ITGA11: variants seen among roughly 807,000 people sequenced by gnomAD.
The protein encoded by ITGA11 is integrin subunit alpha 11.
ITGA11 carries 97 observed loss-of-function variants against 141.9 expected under a neutral mutation model. The ratio of observed to expected loss-of-function variants is 0.68; its 90% CI spans 0.58 to 0.81. ITGA11 has a LOEUF of 0.81. Among genes scored for constraint, ITGA11 ranks in the 30% least tolerant of loss-of-function variants. The pLI is 0.00. For missense variants in ITGA11, 1,387 were observed against 1,559.2 expected (o/e 0.89, Z 1.86); for synonymous variants, 658 against 624.6 (o/e 1.05, Z -0.80).
intron 7 of ITGA11, among the ~76,000 whole-genome samples, chr15:68,356,064 T>A (rs1895061484): frequency 6.6e-6 from 1 of 151,976 alleles, no homozygotes; most frequent in Non-Finnish European, 1.5e-5. Context: ...GGGATAACAT[T>A]TATCTGGATG....
intron 1 of ITGA11, among the ~76,000 whole-genome samples, chr15:68,431,708 C>A (rs1466250500): frequency 2.6e-5 from 4 of 152,262 alleles, no homozygotes; most frequent in African/African-American, 9.6e-5. Context: ...CCGGCATGGG[C>A]CTTGGAGGCA....
chr15:68,308,757 AAAAG>A lies in ITGA11; in HGVS notation c.3175-1065_3175-1062del, dbSNP rs145585732. Among the ~76,000 whole-genome samples the A allele has an allele frequency of 0.51, 16,830 of 33,152 alleles. 1,595 individuals carry two copies. Among genetic ancestry groups the A allele is most frequent in the Middle Eastern group, 0.55 (48 of 88 alleles). The allele number at this position is 33,152 out of a possible 152,430, so 21.7% of individuals were successfully genotyped here. Reference sequence around the variant, plus strand: ...ACTCTGTCTCAAAAGAAAAGAAAAGAAAAGAAAGAAAAGAAAAGAAAAGAAAAGG... The same window carrying A: ...ACTCTGTCTCAAAAGAAAAGAAAAGAAAAGAAAAGAAAAGAAAAGAAAAGG... On this transcript the variant is annotated intron_variant, in intron 26 of 29. Transcript: ENST00000315757. This position sits in a 1 kb window ranked among gnomAD's most constrained non-coding sequence, Gnocchi z 5.2.
chr15:68,384,355 C>T (rs76632009), intron 2 of ITGA11, among the ~76,000 whole-genome samples: 1,742 of 152,102 alleles, frequency 0.011, 49 homozygotes, highest in East Asian at 0.093. Context: ...TAGGAGCTGT[C>T]TGCAGGCCAC....
chr15:68,356,638 A>T (rs1472203134), intron 7 of ITGA11, among the ~76,000 whole-genome samples: 1 of 152,150 alleles, frequency 6.6e-6, no homozygotes, highest in Non-Finnish European at 1.5e-5. Context: ...TTCATCCATC[A>T]AGGGCAGAAC....
intron 1 of ITGA11, among the ~76,000 whole-genome samples, chr15:68,409,681 T>C (rs1896728587): frequency 6.6e-6 from 1 of 152,078 alleles, no homozygotes; most frequent in Non-Finnish European, 1.5e-5. Context: ...ATAATAAAAA[T>C]AATTGTGTAC....
At chr15:68,316,330 T>C (rs1440969764) in intron 21 of ITGA11, among the ~76,000 whole-genome samples, 1 of 152,202 alleles carries the variant, frequency 6.6e-6, no homozygotes, top group Non-Finnish European at 1.5e-5. Flanking sequence ...TGGGGAAACA[T>C]GCGACCCTCC....
chr15:68,316,240 G>T (rs964351526), intron 21 of ITGA11, among the ~76,000 whole-genome samples: 1 of 152,212 alleles, frequency 6.6e-6, no homozygotes, highest in African/African-American at 2.4e-5. Flanking sequence ...GGCCAACAAG[G>T]CATCCGCCCC....
intron 4 of ITGA11, among the ~76,000 whole-genome samples, chr15:68,363,038 G>A (rs1895301568): frequency 6.6e-6 from 1 of 152,148 alleles, no homozygotes; most frequent in Admixed American, 6.5e-5. Flanking sequence ...ATGGGTGGAT[G>A]AATGATAGAT....
chr15:68,382,650 C>T (rs879737198), intron 2 of ITGA11, among the ~76,000 whole-genome samples: 32 of 152,250 alleles, frequency 2.1e-4, no homozygotes, highest in Non-Finnish European at 4.0e-4. Flanking sequence ...GCCTCCCTTC[C>T]CTCTCTTCTC....
At position 68,361,634 on chromosome 15, in the gene ITGA11, T is replaced by C. The variant is rs1410660000; in HGVS notation, c.428A>G (p.Asn143Ser). 3 of 1,610,426 alleles carry C rather than the reference T, an allele frequency of 1.9e-6. No homozygotes were observed. The highest frequency in any genetic ancestry group is 2.7e-5 in the African/African-American group (2 of 74,834). ...GGTCTTGGAGAACCTGAAGTTGGAG[T>C]TGACTCTTGAACACATCCCTGTGGT... Reference protein sequence around the residue: ...YYTTGMCSRVNSNFRFSKTVA... With the variant: ...YYTTGMCSRVSSNFRFSKTVA... Residue 143 changes from asparagine (N) to serine (S), a missense_variant, in exon 5 of 30, where the codon AAC becomes AGC. By Grantham distance (46) the Asn-to-Ser change is conservative. Coordinates refer to ENST00000315757, the MANE Select transcript of ITGA11 (RefSeq NM_001004439.2).
Position 68,325,052 on chromosome 15 carries a change from C to G in ITGA11, c.2322+79G>C. The G allele has an allele frequency of 9.5e-7, 1 of 1,057,998 alleles. No homozygotes were observed. Among genetic ancestry groups the G allele is most frequent in the Non-Finnish European group, 1.5e-6 (1 of 676,926 alleles). 65.5% of individuals were successfully genotyped at this position (1,057,998 alleles called of 1,614,324 possible). Reference sequence around the variant, plus strand: ...TGGTGTCCTCTGTACCCGGCACACTCAGGCTCTGGGCTTTGGGGTTGAGGT... The same window carrying G: ...TGGTGTCCTCTGTACCCGGCACACTGAGGCTCTGGGCTTTGGGGTTGAGGT... On this transcript the variant is annotated intron_variant, in intron 18 of 29. Transcript: ENST00000315757. The surrounding 1 kb of genome is among the most constrained non-coding windows in gnomAD (Gnocchi z 5.5).
chr15:68,311,037 C>A lies in ITGA11; in HGVS notation c.3131G>T (p.Arg1044Leu), dbSNP rs200056013. ...CAAGTCTTCCTCCACTGGGGTGGGCCGGTACTCAGTGCTATTGCCCCAGAT... is the reference window on the plus strand; with the variant it reads ...CAAGTCTTCCTCCACTGGGGTGGGCAGGTACTCAGTGCTATTGCCCCAGAT... Reference protein sequence around the residue: ...CNIWGNSTEYRPTPVEEDLRR... With the variant: ...CNIWGNSTEYLPTPVEEDLRR... Residue 1044 changes from arginine (R) to leucine (L), a missense_variant, in exon 26 of 30, where the codon CGG (arginine) becomes CTG (leucine). By Grantham distance (102) the Arg-to-Leu change is moderately radical (BLOSUM62 -2). Coordinates refer to ENST00000315757, the MANE Select transcript of ITGA11 (RefSeq NM_001004439.2). 2.5e-6 allele frequency: 4 copies of A among 1,607,332 alleles called. No homozygotes were observed. Among genetic ancestry groups the A allele is most frequent in the Non-Finnish European group, 3.4e-6 (4 of 1,176,970 alleles).
intron 1 of ITGA11, among the ~76,000 whole-genome samples, chr15:68,426,434 G>A (rs372321542): frequency 6.6e-6 from 1 of 152,186 alleles, no homozygotes; most frequent in African/African-American, 2.4e-5. Flanking sequence ...GGGGGCAGGT[G>A]GCAGAGCCTG....
chr15:68,402,127 C>T (rs901119224), intron 2 of ITGA11, among the ~76,000 whole-genome samples: 2 of 151,908 alleles, frequency 1.3e-5, no homozygotes, highest in Non-Finnish European at 2.9e-5. Context: ...ACATTGATCA[C>T]GAGTGTTCAT....
chr15:68,401,429 T>C (rs1275283384), intron 2 of ITGA11, among the ~76,000 whole-genome samples: 1 of 152,150 alleles, frequency 6.6e-6, no homozygotes, highest in African/African-American at 2.4e-5. Context: ...CAGCGTTATT[T>C]GAAATAGCCC....
intron 2 of ITGA11, among the ~76,000 whole-genome samples, chr15:68,384,065 T>C (rs1259122182): frequency 2.6e-5 from 4 of 151,980 alleles, no homozygotes; most frequent in Non-Finnish European, 4.4e-5. Context: ...TCTAAAAGCA[T>C]GCAATGGCTG....
chr15:68,329,310 T>G (rs1443868083), intron 15 of ITGA11, among the ~76,000 whole-genome samples: 1 of 152,188 alleles, frequency 6.6e-6, no homozygotes, highest in East Asian at 1.9e-4. Context: ...TTGGAATCAC[T>G]TGGGGAGTTT....
At chr15:68,352,084 ACAAACAAACAAACAAC>A (rs1409920516) in intron 7 of ITGA11, among the ~76,000 whole-genome samples, 4,342 of 40,622 alleles carry the variant, frequency 0.11, 188 homozygotes, top group African/African-American at 0.25. Context: ...CTGTCTCAAA[ACAAACAAACAAACAAC>A]CAAACAAACA....
At chr15:68,367,416 A>G (rs1895457489) in intron 3 of ITGA11, among the ~76,000 whole-genome samples, 1 of 152,076 alleles carries the variant, frequency 6.6e-6, no homozygotes, top group Non-Finnish European at 1.5e-5. Context: ...TTCCTACCTT[A>G]GGGCGTTTGC....
Sources: allele counts gnomAD v4.1 joint callset (sites outside exome capture counted in the v4.1 genomes callset), GRCh38; gene constraint gnomAD v4.1.1; non-coding constraint Gnocchi (gnomAD v3.1); transcripts MANE v1.5; gene names NCBI Gene and HGNC (gene_info 2026-07-23, HGNC 2026-07-21).